Variants in JAKMIP3 observed in about 807,000 individuals in gnomAD.
JAKMIP3 encodes janus kinase and microtubule-interacting protein 3.
A neutral mutation model predicts 118.5 loss-of-function variants in JAKMIP3; 58 were observed. The observed-to-expected ratio is 0.49, with a 90% CI of 0.40 to 0.61. The LOEUF (loss-of-function observed/expected upper bound fraction) is 0.61, where lower values mean the gene tolerates loss of function less well. Ranked by LOEUF, JAKMIP3 falls within the 20% of genes least tolerant of loss-of-function variation. The probability of loss-of-function intolerance (pLI) is 0.00; values close to 1 mark genes in which losing one functional copy is unlikely to be tolerated. For missense variants in JAKMIP3, 950 were observed against 1,109.0 expected (o/e 0.86, Z 2.04); for synonymous variants, 486 against 451.2 (o/e 1.08, Z -0.98).
chr10:132,138,396 G>A (rs1186588300), intron 9 of JAKMIP3, among the ~76,000 whole-genome samples: 2 of 137,532 alleles, frequency 1.5e-5, no homozygotes, highest in Admixed American at 7.3e-5. Context: ...AGAGTACGCC[G>A]GGTGTGTGCG....
At chr10:132,181,918 C>T (rs1050802666) in intron 23 of JAKMIP3, among the ~76,000 whole-genome samples, 29 of 152,134 alleles carry the variant, frequency 1.9e-4, no homozygotes, top group Non-Finnish European at 3.7e-4. Flanking sequence ...ATCCGGGGCC[C>T]GCCCTTGTGA....
At chr10:132,059,457 A>G (rs1397155603) in intron 1 of JAKMIP3, among the ~76,000 whole-genome samples, 1 of 152,278 alleles carries the variant, frequency 6.6e-6, no homozygotes, top group East Asian at 1.9e-4. Context: ...CTAACTTAAC[A>G]GAGCCTGGCG....
rs1350285479 is a variant in JAKMIP3 at position 132,133,548 on chromosome 10, C to T, written c.849+21C>T. The T allele has an allele frequency of 5.2e-6, 8 of 1,543,992 alleles. No individual in the cohort carries two copies. In the South Asian group the frequency reaches 9.5e-5, roughly 18 times the overall value. On this transcript the variant is annotated intron_variant, in intron 4 of 23. Coordinates refer to ENST00000684848, the MANE Select transcript of JAKMIP3 (RefSeq NM_001323087.2). ...GCCCTGTAAGCACCTCCCAGGCCCA[C>T]CGGCCCACCCCGTGTCACAGACAGA...
At chr10:132,147,106 G>A (rs527686282) in intron 13 of JAKMIP3, among the ~76,000 whole-genome samples, 21 of 152,384 alleles carry the variant, frequency 1.4e-4, no homozygotes, top group African/African-American at 5.0e-4. Context: ...ACTGGGTGCA[G>A]ATCACATTCC....
chr10:132,101,629 C>T lies in JAKMIP3; in HGVS notation c.-137-3043C>T, dbSNP rs543297950. Among the ~76,000 whole-genome samples the T allele has an allele frequency of 1.6e-4, 24 of 152,250 alleles. No homozygotes were observed. The South Asian group carries it at 5.0e-3, about 32-fold the overall frequency. ...CCAGATGGGAATGAGTTTCTGCCGC[C>T]ATCAGTGAGCACTGCACAGAGAGTG... On this transcript the variant is annotated intron_variant, in intron 1 of 23. Transcript: ENST00000684848.
At chr10:132,089,584 C>T (rs1376394463) in intron 1 of JAKMIP3, among the ~76,000 whole-genome samples, 8 of 152,190 alleles carry the variant, frequency 5.3e-5, no homozygotes, top group African/African-American at 1.7e-4. Context: ...GCTGAAGTTG[C>T]TTATCAGCTT....
intron 23 of JAKMIP3, among the ~76,000 whole-genome samples, chr10:132,180,674 TGCGC>T (rs869250608): frequency 0.11 from 2,165 of 19,262 alleles, 486 homozygotes; most frequent in East Asian, 0.25. Context: ...TGCGTGTGTG[TGCGC>T]GCGCGTGTGT....
At chr10:132,095,486 G>A (rs567582008) in intron 1 of JAKMIP3, among the ~76,000 whole-genome samples, 3 of 152,310 alleles carry the variant, frequency 2.0e-5, no homozygotes, top group South Asian at 4.1e-4. Context: ...TTCAGGTTCT[G>A]CAGTGGGGGT....
chr10:132,121,594 C>T (rs917452273), intron 3 of JAKMIP3, among the ~76,000 whole-genome samples: 33 of 152,158 alleles, frequency 2.2e-4, no homozygotes, highest in African/African-American at 7.2e-4. Flanking sequence ...ATTGCTCCCT[C>T]GAGAGCTGTC....
chr10:132,076,365 T>G (rs2040784124), intron 1 of JAKMIP3, among the ~76,000 whole-genome samples: 1 of 152,282 alleles, frequency 6.6e-6, no homozygotes, highest in Non-Finnish European at 1.5e-5. Flanking sequence ...GCTGGAATAA[T>G]ATCCTATCAC....
At chr10:132,109,290 A>C (rs2046471851) in intron 2 of JAKMIP3, among the ~76,000 whole-genome samples, 1 of 152,144 alleles carries the variant, frequency 6.6e-6, no homozygotes, top group Non-Finnish European at 1.5e-5. Flanking sequence ...GTGACAGAGC[A>C]AGACTGTCTC....
At position 132,049,420 on chromosome 10, in the gene JAKMIP3, T is replaced by C. The variant is rs1416817854; in HGVS notation, c.-138+12682T>C. Reference sequence around the variant, plus strand: ...TTTCTCCCCTTGCCTATTCTTCAACTGCCTCTTATTAAATTGTCGTTTGTG... The same window carrying C: ...TTTCTCCCCTTGCCTATTCTTCAACCGCCTCTTATTAAATTGTCGTTTGTG... On this transcript the variant is annotated intron_variant, in intron 1 of 23. Transcript: ENST00000657785. This position sits in a 1 kb window ranked among gnomAD's most constrained non-coding sequence, Gnocchi z 4.3. 6.6e-6 allele frequency among the ~76,000 whole-genome samples: 1 copy of C among 152,232 alleles called. No homozygotes were observed. Among genetic ancestry groups the C allele is most frequent in the African/African-American group, 2.4e-5 (1 of 41,466 alleles).
intron 1 of JAKMIP3, among the ~76,000 whole-genome samples, chr10:132,096,786 AG>A (rs1161312709): frequency 6.6e-6 from 1 of 152,182 alleles, no homozygotes; most frequent in African/African-American, 2.4e-5. Flanking sequence ...GGCTGGAGAA[AG>A]CGGCCGGCCA....
intron 1 of JAKMIP3, among the ~76,000 whole-genome samples, chr10:132,072,699 A>G (rs2040153340): frequency 1.3e-5 from 2 of 152,104 alleles, no homozygotes; most frequent in African/African-American, 4.8e-5. Context: ...TGTATTAAGT[A>G]TTTTTTATGA....
chr10:132,149,486 G>A lies in JAKMIP3; in HGVS notation c.1923G>A (p.Val641=). 6.3e-7 allele frequency: 1 copy of A among 1,598,640 alleles called. No individual in the cohort carries two copies. Among genetic ancestry groups the A allele is most frequent in the Non-Finnish European group, 8.5e-7 (1 of 1,174,434 alleles). ...PFVDGKSPLQ[V]YCEAEGVTDI... ...TGGACGGGAAGAGCCCCCTCCAGGTGTACTGCGAGGCCGAAGGTGTGACGG... is the reference window on the plus strand; with the variant it reads ...TGGACGGGAAGAGCCCCCTCCAGGTATACTGCGAGGCCGAAGGTGTGACGG... The change falls in exon 15 of 24, where the codon GTG becomes GTA. Residue 641 remains valine, a synonymous_variant. Coordinates refer to ENST00000684848, the MANE Select transcript of JAKMIP3 (RefSeq NM_001323087.2).
rs531557116 is a variant in JAKMIP3 at position 132,044,611 on chromosome 10, C to G, written c.-138+7873C>G. On this transcript the variant is annotated intron_variant, in intron 1 of 23. Coordinates refer to the JAKMIP3 transcript ENST00000657785. The surrounding 1 kb of genome is among the most constrained non-coding windows in gnomAD (Gnocchi z 5.3). ...GAGCAGGCTGGGGTCCTGGCGCGGGCTCTTCCTCAGGGCAGCAGGACGCCA... is the reference window on the plus strand; with the variant it reads ...GAGCAGGCTGGGGTCCTGGCGCGGGGTCTTCCTCAGGGCAGCAGGACGCCA... Among the ~76,000 whole-genome samples the G allele has an allele frequency of 6.6e-6, 1 of 152,214 alleles. No individual in the cohort carries two copies. The highest frequency in any genetic ancestry group is 2.1e-4 in the South Asian group (1 of 4,816).
At position 132,148,067 on chromosome 10, in the gene JAKMIP3, C is replaced by T. The variant is rs183845236; in HGVS notation, c.1848+17C>T. ...GAGCTTGAGGTAGCTGAGTGGATGG[C>T]CAGCACTGTGGCCTGTGGCTGTGTC... On this transcript the variant is annotated intron_variant, in intron 14 of 23. Coordinates refer to ENST00000684848, the MANE Select transcript of JAKMIP3 (RefSeq NM_001323087.2). 2 of 1,539,760 alleles carry T rather than the reference C, an allele frequency of 1.3e-6. No individual in the cohort carries two copies. Among genetic ancestry groups the T allele is most frequent in the African/African-American group, 2.7e-5 (2 of 73,598 alleles).
intron 1 of JAKMIP3, among the ~76,000 whole-genome samples, chr10:132,067,615 CCGTGTGTACTGTGGGCT>C (rs2039003539): frequency 2.8e-5 from 1 of 35,854 alleles, no homozygotes; most frequent in Non-Finnish European, 6.0e-5. Context: ...CTGTGGGCTT[CCGTGTGTACTGTGGGCT>C]TCCGTGTGGA....
chr10:132,041,869 CT>C (rs558651362), intron 1 of JAKMIP3, among the ~76,000 whole-genome samples: 2,144 of 149,068 alleles, frequency 0.014, 50 homozygotes, highest in African/African-American at 0.049. Flanking sequence ...TCTTTCTTTT[CT>C]TTTTTTTTTC....
Sources: gnomAD v4.1 joint callset for allele counts (sites outside exome capture counted in the v4.1 genomes callset) on GRCh38, gnomAD v4.1.1 for gene constraint, Gnocchi (gnomAD v3.1) non-coding constraint, MANE v1.5 for transcripts, NCBI Gene and HGNC (gene_info 2026-07-23, HGNC 2026-07-21) for gene names.